The following SLC2A5 variants were observed in gnomAD, a reference collection of about 807,000 sequenced individuals.
SLC2A5 encodes the protein solute carrier family 2, facilitated glucose transporter member 5.
Under a neutral mutation model 50.3 loss-of-function variants are expected in SLC2A5, and 56 were observed. That is an observed-to-expected ratio of 1.11 (90% CI 0.90 to 1.39). The LOEUF is 1.39. Among genes scored for constraint, SLC2A5 ranks in the 40% most tolerant of loss-of-function variants. The pLI, the probability that SLC2A5 is intolerant of heterozygous loss-of-function variation, is 0.00. For synonymous variants in SLC2A5, 269 were observed against 281.9 expected, an observed-to-expected ratio of 0.95 and a Z score of 0.46; for missense variants, 566 against 650.1, an observed-to-expected ratio of 0.87 and a Z score of 1.41.
At chr1:9,038,252 C>T (rs1403267555) in intron 10 of SLC2A5, among the ~76,000 whole-genome samples, 179 bp downstream of exon 10, 1 of 152,258 alleles carries the variant, frequency 6.6e-6, no homozygotes, top group African/African-American at 2.4e-5. Flanking sequence ...TTCCCACCCA[C>T]ACCACCATTT....
chr1:9,062,691 G>T (rs1641976654), intron 1 of SLC2A5, among the ~76,000 whole-genome samples: 1 of 151,942 alleles, frequency 6.6e-6, no homozygotes, highest in Non-Finnish European at 1.5e-5. Context: ...GAGCAACATG[G>T]TGAAACCCCA....
At chr1:9,054,785 A>G (rs1440193796) in intron 3 of SLC2A5, among the ~76,000 whole-genome samples, 1 of 152,108 alleles carries the variant, frequency 6.6e-6, no homozygotes, top group African/African-American at 2.4e-5. Context: ...TGAGCTGAGC[A>G]CCATGGCACA....
At chr1:9,072,861 C>T (rs750269824), upstream of SLC2A5, among the ~76,000 whole-genome samples, 2 of 150,708 alleles carry the variant, frequency 1.3e-5, no homozygotes, top group Non-Finnish European at 2.9e-5. Context: ...ACTTGGGAGG[C>T]TGAAGTAGGA....
At chr1:9,079,787 G>A (rs910000429) in intron 2 of SLC2A5, among the ~76,000 whole-genome samples, 3 of 152,114 alleles carry the variant, frequency 2.0e-5, no homozygotes, top group African/African-American at 7.2e-5. Flanking sequence ...ACGCCCAGCC[G>A]ATATCCCTCT....
Position 9,039,174 on chromosome 1 carries a change from C to T in SLC2A5, c.997-245G>A, listed in dbSNP as rs540754606. 6.4e-4 allele frequency among the ~76,000 whole-genome samples: 98 copies of T among 152,284 alleles called. No individual in the cohort carries two copies. In the Middle Eastern group the frequency reaches 0.014, roughly 21 times the overall value. The stretch of plus-strand genomic sequence containing the variant: ...TCTAGGGCCTCCTAATCCCACAACC[C>T]TGAGCCTCAGGATTCCTGCCCTCGG... On this transcript the variant is annotated intron_variant, in intron 8 of 11. Transcript: ENST00000377424.
intron 1 of SLC2A5, among the ~76,000 whole-genome samples, chr1:9,087,208 C>CG (rs533133447): frequency 7.0e-6 from 1 of 142,456 alleles, no homozygotes; most frequent in African/African-American, 2.6e-5. Context: ...TTACTTCTTT[C>CG]TTTTTTTTTT....
intron 3 of SLC2A5, among the ~76,000 whole-genome samples, chr1:9,053,104 AT>A (rs1244137455): frequency 9.4e-6 from 1 of 106,042 alleles, no homozygotes; most frequent in African/African-American, 4.0e-5. Flanking sequence ...ATATTTATAT[AT>A]AATATATATT....
intron 4 of SLC2A5, among the ~76,000 whole-genome samples, chr1:9,044,991 G>A (rs1641401646): frequency 6.6e-6 from 1 of 152,312 alleles, no homozygotes; most frequent in South Asian, 2.1e-4. Context: ...GCCGTGATCT[G>A]AGGACCCAGG....
Position 9,057,461 on chromosome 1 carries a change from T to G in SLC2A5, c.280A>C (p.Asn94His). 3 of 1,608,748 alleles carry G rather than the reference T, an allele frequency of 1.9e-6. No individual in the cohort carries two copies. The highest frequency in any genetic ancestry group is 2.5e-6 in the Non-Finnish European group (3 of 1,177,944). The change falls in exon 3 of 12, where the codon AAT (asparagine) becomes CAT (histidine). Residue 94 changes from asparagine (N) to histidine (H), a missense_variant. Transcript: ENST00000377424. ...IGSLLVGPLV[N>H]KFGRKGALLF... Reference sequence around the variant, plus strand: ...ACCTTCCCTTACCTGCCAAATTTATTCACCAAGGGGCCGACCAGGAGGGAT... The same window carrying G: ...ACCTTCCCTTACCTGCCAAATTTATGCACCAAGGGGCCGACCAGGAGGGAT...
intron 4 of SLC2A5, among the ~76,000 whole-genome samples, chr1:9,044,454 A>G (rs892691493): frequency 2.6e-5 from 4 of 152,226 alleles, no homozygotes; most frequent in African/African-American, 9.6e-5. Flanking sequence ...AGTAAAAGTC[A>G]TACTCATCTT....
At chr1:9,073,825 C>A (rs6683701), upstream of SLC2A5, among the ~76,000 whole-genome samples, 2 of 152,054 alleles carry the variant, frequency 1.3e-5, no homozygotes, top group Admixed American at 6.5e-5. Flanking sequence ...CGGTGGCTCA[C>A]GCCTGTAATC....
intron 1 of SLC2A5, among the ~76,000 whole-genome samples, chr1:9,058,969 G>A (rs6694527): frequency 0.023 from 3,492 of 151,924 alleles, 144 homozygotes; most frequent in African/African-American, 0.08. Flanking sequence ...CTTCATCTCT[G>A]AAATGAGGAC....
At chr1:9,038,313 G>A in intron 10 of SLC2A5, 118 bp downstream of exon 10, 1 of 792,656 alleles carries the variant, frequency 1.3e-6, no homozygotes, top group South Asian at 1.5e-5. Context: ...GTGGACGGGG[G>A]AAGAGATGCC....
At position 9,037,605 on chromosome 1, in the gene SLC2A5, G is replaced by T; in HGVS notation, c.1487C>A (p.Pro496His). ...PEKEELKELPPVTSEQ is the reference protein window; with the variant it reads ...PEKEELKELPHVTSEQ The stretch of plus-strand genomic sequence containing the variant: ...CCAGAGTCACTGTTCCGAAGTGACA[G>T]GTGGAAGCTCTTTCAGTTCCTCCTT... The change falls in exon 12 of 12, where the codon CCT (proline) becomes CAT (histidine). Residue 496 changes from proline to histidine, a missense_variant. Coordinates refer to ENST00000377424, the MANE Select transcript of SLC2A5 (RefSeq NM_003039.3). The T allele has an allele frequency of 3.7e-6, 6 of 1,613,994 alleles. No individual in the cohort carries two copies. The highest frequency in any genetic ancestry group is 5.1e-6 in the Non-Finnish European group (6 of 1,179,978).
At position 9,037,804 on chromosome 1, in the gene SLC2A5, G is replaced by A; in HGVS notation, c.1303-15C>T. 6.2e-7 allele frequency: 1 copy of A among 1,614,078 alleles called. No homozygotes were observed. The highest frequency in any genetic ancestry group is 8.5e-7 in the Non-Finnish European group (1 of 1,180,016). On this transcript the variant is annotated splice_polypyrimidine_tract_variant and intron_variant, in intron 11 of 11. Transcript: ENST00000377424. Reference sequence around the variant, plus strand: ...CCGAGGCCCTCCTGCGGGAAGAGGGGCAGGTGACACGTGTGGGACGTGGTT... The same window carrying A: ...CCGAGGCCCTCCTGCGGGAAGAGGGACAGGTGACACGTGTGGGACGTGGTT...
At chr1:9,058,722 G>A (rs1641826379) in intron 1 of SLC2A5, among the ~76,000 whole-genome samples, 1 of 152,194 alleles carries the variant, frequency 6.6e-6, no homozygotes, top group African/African-American at 2.4e-5. Flanking sequence ...CAGCAAATGT[G>A]CTCTTGCACC....
intron 5 of SLC2A5, chr1:9,041,192 T>C: frequency 5.1e-6 from 2 of 393,662 alleles, no homozygotes; most frequent in Non-Finnish European, 4.5e-6. Flanking sequence ...ACGGGATGAC[T>C]GATGATAGTT....
chr1:9,040,380 G>C lies in SLC2A5; in HGVS notation c.572-191C>G, dbSNP rs890960294. Reference sequence around the variant, plus strand: ...AACACCTGCAGCAGGGATCAGCAGCGACGCACCCCTGCGCCCATCAGACAG... The same window carrying C: ...AACACCTGCAGCAGGGATCAGCAGCCACGCACCCCTGCGCCCATCAGACAG... On this transcript the variant is annotated intron_variant, in intron 5 of 11. Transcript: ENST00000377424. This position sits in a 1 kb window ranked among gnomAD's most constrained non-coding sequence, Gnocchi z 4.3. 17 of 660,822 alleles carry C rather than the reference G, an allele frequency of 2.6e-5. No individual in the cohort carries two copies. The Admixed American group carries it at 5.1e-4, about 20-fold the overall frequency. The allele number at this position is 660,822 out of a possible 1,614,324, so 40.9% of individuals were successfully genotyped here.
rs141250683 is a variant in SLC2A5 at position 9,083,710 on chromosome 1, A to C, written c.-59+1304T>G. On this transcript the variant is annotated intron_variant, in intron 2 of 5. Transcript: ENST00000464985. ...CATGGTGGCACATGCCTGTAATCCC[A>C]GCTACTCGGGAGGCTGAGGCAGAAG... 3.3e-3 allele frequency among the ~76,000 whole-genome samples: 498 copies of C among 152,326 alleles called. 4 individuals carry two copies. The highest frequency in any genetic ancestry group is 0.012 in the African/African-American group (488 of 41,572).
Sources: gnomAD v4.1 joint callset for allele counts (sites outside exome capture counted in the v4.1 genomes callset) on GRCh38, gnomAD v4.1.1 for gene constraint, Gnocchi (gnomAD v3.1) non-coding constraint, MANE v1.5 for transcripts, NCBI Gene and HGNC (gene_info 2026-07-23, HGNC 2026-07-21) for gene names.